Variants in TTC21B observed in about 807,000 individuals in gnomAD.
TTC21B encodes the protein tetratricopeptide repeat domain 21B.
TTC21B carries 127 observed loss-of-function variants against 175.1 expected under a neutral mutation model. The ratio of observed to expected loss-of-function variants is 0.73; its 90% CI spans 0.63 to 0.84. The LOEUF (loss-of-function observed/expected upper bound fraction) is 0.84. Ranked by LOEUF, TTC21B falls within the 40% of genes least tolerant of loss-of-function variation. TTC21B has a pLI of 0.00. For synonymous variants in TTC21B, 524 were observed against 524.5 expected (o/e 1.00, Z 0.01); for missense variants, 1,561 against 1,558.3 (o/e 1.00, Z -0.03).
intron 18 of TTC21B, among the ~76,000 whole-genome samples, chr2:165,908,229 G>T (rs989348338): frequency 6.6e-6 from 1 of 152,078 alleles, no homozygotes; most frequent in Non-Finnish European, 1.5e-5. Flanking sequence ...ATGTTGAATG[G>T]TCTGGTTTCA....
At chr2:165,908,416 C>T (rs1469824873) in intron 18 of TTC21B, among the ~76,000 whole-genome samples, 3 of 152,118 alleles carry the variant, frequency 2.0e-5, no homozygotes, top group Non-Finnish European at 4.4e-5. Context: ...GTAGTGAAAA[C>T]AAACTCTGGT....
At chr2:165,875,474 A>C (rs1472845797) in intron 28 of TTC21B, among the ~76,000 whole-genome samples, 1 of 152,156 alleles carries the variant, frequency 6.6e-6, no homozygotes, top group Non-Finnish European at 1.5e-5. Context: ...CTTTTCTTGG[A>C]GGTCCTTACA....
At chr2:165,902,786 A>C (rs1685611947) in intron 19 of TTC21B, among the ~76,000 whole-genome samples, 1 of 152,230 alleles carries the variant, frequency 6.6e-6, no homozygotes, top group Non-Finnish European at 1.5e-5. Flanking sequence ...AAACCTGAAA[A>C]CAATTGGTTT....
Position 165,913,622 on chromosome 2 carries a change from G to A in TTC21B, c.2163C>T (p.Asn721=). 1 of 1,612,890 alleles carries A rather than the reference G, an allele frequency of 6.2e-7. No homozygotes were observed. Among genetic ancestry groups the A allele is most frequent in the East Asian group, 2.2e-5 (1 of 44,776 alleles). ...CACCAAGGAGAAGAAAAGACCGAGG[G>A]TTAGCCATTCTTTCAGCAATTTCTC... ...CFREIAERMA[N]PRSFLLLGDA... The change falls in exon 16 of 29, where the codon AAC becomes AAT. Residue 721 remains asparagine, a synonymous_variant. Coordinates refer to ENST00000243344, the MANE Select transcript of TTC21B (RefSeq NM_024753.5).
At chr2:165,933,236 C>A (rs1206479316) in intron 6 of TTC21B, among the ~76,000 whole-genome samples, 179 bp from the exon 7 acceptor site, 1 of 152,084 alleles carries the variant, frequency 6.6e-6, no homozygotes, top group East Asian at 1.9e-4. Flanking sequence ...AAGTAAAAGT[C>A]TCTGGAGTTT....
chr2:165,931,418 A>C (rs1686901810), intron 8 of TTC21B, among the ~76,000 whole-genome samples: 1 of 152,142 alleles, frequency 6.6e-6, no homozygotes, highest in African/African-American at 2.4e-5. Flanking sequence ...TACACTTTAA[A>C]ACTTTTTAAA....
At chr2:165,899,300 C>G (rs528270085) in intron 21 of TTC21B, among the ~76,000 whole-genome samples, 1 of 152,154 alleles carries the variant, frequency 6.6e-6, no homozygotes, top group African/African-American at 2.4e-5. Flanking sequence ...GTCTGCAAAG[C>G]TAACAAATAT....
chr2:165,898,461 AC>A (rs1685445251), intron 22 of TTC21B, among the ~76,000 whole-genome samples: 1 of 152,228 alleles, frequency 6.6e-6, no homozygotes, highest in Non-Finnish European at 1.5e-5. Flanking sequence ...TTTTTGGAAT[AC>A]AGTAGGATTA....
chr2:165,926,058 G>A (rs1686617045), intron 11 of TTC21B, among the ~76,000 whole-genome samples: 2 of 152,106 alleles, frequency 1.3e-5, no homozygotes, highest in South Asian at 4.1e-4. Context: ...ACAAAATTAT[G>A]TCTATAAAAC....
chr2:165,931,958 A>G (rs1238868627), intron 7 of TTC21B, 102 bp from the exon 8 acceptor site: 7 of 781,960 alleles, frequency 9.0e-6, no homozygotes, highest in Non-Finnish European at 1.1e-5. Context: ...TAGTATTTTA[A>G]AAGACCTTTG....
At chr2:165,882,548 C>A (rs1056361090) in intron 26 of TTC21B, among the ~76,000 whole-genome samples, 6 of 152,134 alleles carry the variant, frequency 3.9e-5, no homozygotes, top group Admixed American at 2.6e-4. Flanking sequence ...AAACTCTAAT[C>A]ATCATGGATA....
intron 7 of TTC21B, 118 bp downstream of exon 7, chr2:165,932,855 T>C (rs1312380061): frequency 3.4e-6 from 3 of 885,920 alleles, no homozygotes; most frequent in Non-Finnish European, 5.4e-6. Flanking sequence ...TACCATGATG[T>C]ATATTTTAAA....
intron 25 of TTC21B, among the ~76,000 whole-genome samples, chr2:165,885,235 C>T (rs1449491899): frequency 6.6e-6 from 1 of 152,100 alleles, no homozygotes; most frequent in Non-Finnish European, 1.5e-5. Context: ...TATAAGATAG[C>T]AAATTTGGGT....
chr2:165,951,515 C>G (rs920800194), intron 1 of TTC21B, among the ~76,000 whole-genome samples: 2 of 152,194 alleles, frequency 1.3e-5, no homozygotes, highest in Non-Finnish European at 2.9e-5. Context: ...CCATTTTCCA[C>G]CTGCTACCCT....
At chr2:165,891,013 A>G (rs769972079) in intron 22 of TTC21B, 25 bp from the exon 23 acceptor site, 18 of 1,581,804 alleles carry the variant, frequency 1.1e-5, no homozygotes, top group Non-Finnish European at 1.5e-5. Flanking sequence ...TACTTCAGAT[A>G]TGGGCACCAT....
chr2:165,898,566 AACAG>A, intron 22 of TTC21B, 116 bp downstream of exon 22: 5 of 741,234 alleles, frequency 6.7e-6, no homozygotes, highest in Non-Finnish European at 9.9e-6. Context: ...GTGTGGAATA[AACAG>A]ACAGTCTGAT....
intron 14 of TTC21B, 41 bp from the exon 15 acceptor site, chr2:165,915,480 T>C (rs781073342): frequency 5.5e-6 from 8 of 1,448,298 alleles, no homozygotes; most frequent in African/African-American, 1.4e-5. Context: ...TCCAAAATAG[T>C]GAACAAATAA....
At chr2:165,945,037 T>A (rs984259002) in intron 4 of TTC21B, among the ~76,000 whole-genome samples, 19 of 152,242 alleles carry the variant, frequency 1.2e-4, no homozygotes, top group African/African-American at 4.3e-4. Flanking sequence ...TTGCATACTT[T>A]AATCACATAT....
intron 27 of TTC21B, among the ~76,000 whole-genome samples, chr2:165,878,998 G>T (rs1416339853): frequency 1.3e-5 from 2 of 152,054 alleles, no homozygotes. Context: ...ATGATTTTAA[G>T]GGTTTTCTGA....
Sources: gnomAD v4.1 joint callset for allele counts (sites outside exome capture counted in the v4.1 genomes callset) on GRCh38, gnomAD v4.1.1 for gene constraint, MANE v1.5 for transcripts, NCBI Gene and HGNC (gene_info 2026-07-23, HGNC 2026-07-21) for gene names.